Variants in TRIM35 observed in about 807,000 individuals in gnomAD.
TRIM35 encodes the protein tripartite motif containing 35.
In TRIM35, 37 loss-of-function variants were observed where a neutral mutation model predicts 49.1. The observed-to-expected ratio is 0.75, with a 90% confidence interval of 0.58 to 0.99. The LOEUF (loss-of-function observed/expected upper bound fraction) is 0.99. Among genes scored for constraint, TRIM35 ranks in the 50% least tolerant of loss-of-function variants. The pLI is 0.00. For missense variants in TRIM35, 648 were observed against 702.7 expected (o/e 0.92, Z 0.88); for synonymous variants, 302 against 289.3 (o/e 1.04, Z -0.45).
chr8:27,303,080 CTTAAT>C (rs1802711893), intron 1 of TRIM35, among the ~76,000 whole-genome samples: 3 of 152,274 alleles, frequency 2.0e-5, no homozygotes, highest in South Asian at 2.1e-4. Flanking sequence ...GCTAGATATA[CTTAAT>C]CAAACTAATG....
chr8:27,299,675 G>A (rs1435873677), intron 1 of TRIM35, among the ~76,000 whole-genome samples: 1 of 152,206 alleles, frequency 6.6e-6, no homozygotes, highest in Non-Finnish European at 1.5e-5. Context: ...GACTGGATAT[G>A]CAGCAATAAA....
chr8:27,296,614 C>G (rs1311208795), intron 2 of TRIM35, among the ~76,000 whole-genome samples: 1 of 152,238 alleles, frequency 6.6e-6, no homozygotes, highest in Non-Finnish European at 1.5e-5. Flanking sequence ...ACCACACAGA[C>G]AGACAGATAC....
intron 1 of TRIM35, among the ~76,000 whole-genome samples, chr8:27,300,677 C>G (rs994757152): frequency 6.6e-6 from 1 of 152,184 alleles, no homozygotes; most frequent in African/African-American, 2.4e-5. Context: ...GTTTTATTTT[C>G]AACTCATTTT....
intron 1 of TRIM35, among the ~76,000 whole-genome samples, chr8:27,305,135 C>T (rs1033766222): frequency 2.6e-5 from 4 of 152,230 alleles, no homozygotes; most frequent in African/African-American, 7.2e-5. Flanking sequence ...CTATAAGATG[C>T]TTACATGAGA....
chr8:27,307,314 C>G (rs924657501), intron 1 of TRIM35, among the ~76,000 whole-genome samples: 4 of 152,014 alleles, frequency 2.6e-5, no homozygotes, highest in Non-Finnish European at 5.9e-5. Context: ...TCACTGCACA[C>G]CCCCACGCTG....
At chr8:27,308,415 T>A (rs1345159360) in intron 1 of TRIM35, among the ~76,000 whole-genome samples, 1 of 152,056 alleles carries the variant, frequency 6.6e-6, no homozygotes, top group Non-Finnish European at 1.5e-5. Context: ...AAAACACACA[T>A]CCCATCACAA....
rs758620985 is a variant in TRIM35, at chr8:27,288,103, G to A, written c.929C>T (p.Thr310Ile). The A allele has an allele frequency of 3.7e-6, 6 of 1,608,724 alleles. No homozygotes were observed. The highest frequency in any genetic ancestry group is 5.1e-6 in the Non-Finnish European group (6 of 1,179,806). ...ESVPFSFDPN[T>I]AAGWLSVSDD... ...AGACACGGAGAGCCAGCCAGCTGCG[G>A]TGTTGGGGTCAAAGCTGAAGGGTAC... is the stretch of plus-strand genomic sequence containing the variant. Residue 310 changes from threonine (T) to isoleucine (I), a missense_variant, in exon 6 of 6, where the codon ACC (threonine) becomes ATC (isoleucine). Thr to Ile is a moderately conservative substitution (Grantham distance 89). Coordinates refer to ENST00000305364, the MANE Select transcript of TRIM35 (RefSeq NM_171982.5).
In TRIM35 at chr8:27,288,126, T is replaced by C. The variant is rs1586041705; in HGVS notation, c.906A>G (p.Val302=). The C allele has an allele frequency of 6.3e-7, 1 of 1,598,480 alleles. No individual in the cohort carries two copies. The highest frequency in any genetic ancestry group is 8.5e-7 in the Non-Finnish European group (1 of 1,175,614). The part of the protein sequence containing the change: ...WKKMLASVES[V]PFSFDPNTAA... ...CGGTGTTGGGGTCAAAGCTGAAGGG[T>C]ACTGCAAGCAGAGGCGGAAATGGGG... The change falls in exon 6 of 6, where the codon GTA becomes GTG. Residue 302 remains valine, a splice_region_variant and synonymous_variant. Transcript: ENST00000305364.
intron 1 of TRIM35, among the ~76,000 whole-genome samples, chr8:27,308,469 C>T (rs568694931): frequency 2.0e-5 from 3 of 152,178 alleles, no homozygotes; most frequent in Non-Finnish European, 4.4e-5. Flanking sequence ...CAGCACAAAA[C>T]GGAAAACCCC....
chr8:27,290,203 AAC>A lies in TRIM35; in HGVS notation c.763-27_763-26del, dbSNP rs780425534. 1.0e-4 allele frequency: 166 copies of A among 1,612,064 alleles called. 1 individual carries two copies. In the African/African-American group the frequency reaches 1.8e-3, roughly 18 times the overall value. On this transcript the variant is annotated intron_variant, in intron 3 of 5. Coordinates refer to ENST00000305364, the MANE Select transcript of TRIM35 (RefSeq NM_171982.5). ...TCTGAAAAAATAAAAATAAAAAAAT[AAC>A]ACAGAGACACAGATGTAGAGGAAAT...
Position 27,306,429 on chromosome 8 carries a change from G to A in TRIM35, c.435+4372C>T, listed in dbSNP as rs1035447139. ...CAACCTCCATCTCCCGGGTTTAAGC[G>A]ATTCTCCTGCCTCAGCCTCCCAAGT... On this transcript the variant is annotated intron_variant, in intron 1 of 5. Coordinates refer to ENST00000305364, the MANE Select transcript of TRIM35 (RefSeq NM_171982.5). Among the ~76,000 whole-genome samples, 3 of 148,780 alleles carry A rather than the reference G, an allele frequency of 2.0e-5. No homozygotes were observed. The South Asian group carries it at 6.4e-4, about 32-fold the overall frequency.
At chr8:27,306,385 G>T (rs893114611) in intron 1 of TRIM35, among the ~76,000 whole-genome samples, 1 of 150,558 alleles carries the variant, frequency 6.6e-6, no homozygotes, top group African/African-American at 2.5e-5. Context: ...GAGGGCAGTG[G>T]CACGATCTCG....
intron 1 of TRIM35, among the ~76,000 whole-genome samples, chr8:27,300,447 C>T (rs1464596002): frequency 6.6e-6 from 1 of 151,872 alleles, no homozygotes. Context: ...TGCAGCCCCT[C>T]ATGAGACACC....
chr8:27,308,047 C>A (rs1802822982), intron 1 of TRIM35, among the ~76,000 whole-genome samples: 1 of 152,068 alleles, frequency 6.6e-6, no homozygotes, highest in Non-Finnish European at 1.5e-5. Flanking sequence ...ACAACAGATG[C>A]AGAACGGAAT....
intron 1 of TRIM35, among the ~76,000 whole-genome samples, chr8:27,308,485 T>A (rs73681519): frequency 1.3e-5 from 2 of 152,122 alleles, no homozygotes; most frequent in Admixed American, 6.5e-5. Flanking sequence ...ACCCCCTCAG[T>A]GAGGCACACA....
intron 1 of TRIM35, among the ~76,000 whole-genome samples, chr8:27,303,630 A>C (rs1030962260): frequency 2.0e-5 from 3 of 152,250 alleles, no homozygotes; most frequent in African/African-American, 4.8e-5. Flanking sequence ...CAAGCTCAGG[A>C]GAGCAAACAA....
Position 27,286,513 on chromosome 8 carries a change from C to G in TRIM35, c.*1037G>C, listed in dbSNP as rs988629228. ...AGCAACTATAACAGGACATCCTCAT[C>G]CAGTCCTCCTATCTCATTTCCTGGT... is the stretch of plus-strand genomic sequence containing the variant. On this transcript the variant is annotated 3_prime_UTR_variant, in exon 6 of 6. Transcript: ENST00000305364. 2 of 219,670 alleles carry G rather than the reference C, an allele frequency of 9.1e-6. No homozygotes were observed. The highest frequency in any genetic ancestry group is 1.1e-4 in the Admixed American group (2 of 18,832). 13.6% of individuals were successfully genotyped at this position (219,670 alleles called of 1,614,324 possible).
chr8:27,302,379 T>C (rs1369308007), intron 1 of TRIM35, among the ~76,000 whole-genome samples: 2 of 152,198 alleles, frequency 1.3e-5, no homozygotes, highest in Non-Finnish European at 2.9e-5. Context: ...CCTAGTTATC[T>C]TATTTTTTAT....
chr8:27,291,183 A>G (rs537245313), intron 3 of TRIM35, among the ~76,000 whole-genome samples: 1 of 152,192 alleles, frequency 6.6e-6, no homozygotes, highest in East Asian at 1.9e-4. Flanking sequence ...TTGTATCTAG[A>G]CTATATAAAG....
Sources: gnomAD v4.1 joint callset for allele counts (sites outside exome capture counted in the v4.1 genomes callset) on GRCh38, gnomAD v4.1.1 for gene constraint, MANE v1.5 for transcripts, NCBI Gene and HGNC (gene_info 2026-07-23, HGNC 2026-07-21) for gene names.